The following PVT1 variants were observed in gnomAD, a reference collection of about 807,000 sequenced individuals.
The protein encoded by PVT1 is CXCR4/PVT1 fusion.
At chr8:127,915,850 C>T (rs981946709) in intron 3 of PVT1, among the ~76,000 whole-genome samples, 4 of 152,188 alleles carry the variant, frequency 2.6e-5, no homozygotes. Context: ...TGTTTTGTTT[C>T]GCTTTGCTTC....
intron 4 of PVT1, among the ~76,000 whole-genome samples, chr8:128,029,987 A>T (rs1333019961): frequency 1.3e-5 from 2 of 152,160 alleles, no homozygotes; most frequent in Admixed American, 1.3e-4. Context: ...GGTGGTGGGC[A>T]CCTGCAGTTT....
At chr8:128,089,083 A>T (rs1814314720) in intron 5 of PVT1, among the ~76,000 whole-genome samples, 1 of 152,194 alleles carries the variant, frequency 6.6e-6, no homozygotes, top group Non-Finnish European at 1.5e-5. Context: ...AGGGAAATTT[A>T]CCCATGGAAA....
At chr8:127,970,633 C>T (rs1471881708) in intron 3 of PVT1, among the ~76,000 whole-genome samples, 1 of 152,110 alleles carries the variant, frequency 6.6e-6, no homozygotes, top group Non-Finnish European at 1.5e-5. Context: ...ATCTCCAACC[C>T]TCTGTCACAG....
At chr8:127,839,994 C>T (rs1398170673) in intron 2 of PVT1, among the ~76,000 whole-genome samples, 1 of 152,194 alleles carries the variant, frequency 6.6e-6, no homozygotes, top group African/African-American at 2.4e-5. Flanking sequence ...TCTTGGAGCC[C>T]ACAGGCATCT....
At chr8:127,895,192 T>C (rs1815659976) in intron 3 of PVT1, among the ~76,000 whole-genome samples, 1 of 152,234 alleles carries the variant, frequency 6.6e-6, no homozygotes, top group Non-Finnish European at 1.5e-5. Context: ...AGATAAGGGC[T>C]GAGCACAGTG....
At chr8:127,820,983 A>G (rs1156824334) in intron 2 of PVT1, among the ~76,000 whole-genome samples, 1 of 152,188 alleles carries the variant, frequency 6.6e-6, no homozygotes, top group Non-Finnish European at 1.5e-5. Flanking sequence ...TGTTGGGATT[A>G]CAGACATGAG....
At chr8:128,051,510 T>C (rs943791698) in intron 4 of PVT1, among the ~76,000 whole-genome samples, 3 of 152,348 alleles carry the variant, frequency 2.0e-5, no homozygotes, top group African/African-American at 7.2e-5. Context: ...CTATGTATTT[T>C]TTTCTTTAAA....
intron 3 of PVT1, among the ~76,000 whole-genome samples, chr8:127,949,558 C>T (rs1019494176): frequency 5.9e-5 from 9 of 151,970 alleles, no homozygotes; most frequent in African/African-American, 2.2e-4. Flanking sequence ...CCCCCACCCC[C>T]CATCCCTGGT....
intron 4 of PVT1, among the ~76,000 whole-genome samples, chr8:128,041,300 T>A (rs978812210): frequency 1.1e-5 from 1 of 94,500 alleles, no homozygotes; most frequent in Non-Finnish European, 2.4e-5. Context: ...ATGTTTGTGT[T>A]GTGCTCATGT....
At chr8:127,935,422 G>A (rs1461275753) in intron 3 of PVT1, among the ~76,000 whole-genome samples, 1 of 152,080 alleles carries the variant, frequency 6.6e-6, no homozygotes, top group Non-Finnish European at 1.5e-5. Flanking sequence ...AGAGAGGCCA[G>A]GTCAGGGTGT....
chr8:127,994,568 C>T (rs1043407771), intron 4 of PVT1, among the ~76,000 whole-genome samples: 1 of 152,192 alleles, frequency 6.6e-6, no homozygotes, highest in African/African-American at 2.4e-5. Context: ...AAGATAGATG[C>T]GTATCCATGT....
At chr8:127,959,618 T>A (rs1816614887) in intron 3 of PVT1, among the ~76,000 whole-genome samples, 1 of 144,684 alleles carries the variant, frequency 6.9e-6, no homozygotes, top group African/African-American at 2.5e-5. Flanking sequence ...AAAGACCCAG[T>A]GCCTACCCTT....
At chr8:127,924,533 A>T (rs564360156) in intron 3 of PVT1, among the ~76,000 whole-genome samples, 2 of 127,666 alleles carry the variant, frequency 1.6e-5, no homozygotes, top group Non-Finnish European at 3.2e-5. Context: ...TTTTTTTGAG[A>T]CAGAGTCTCA....
chr8:127,977,530 C>T (rs1057148811), intron 3 of PVT1, among the ~76,000 whole-genome samples: 16 of 152,196 alleles, frequency 1.1e-4, no homozygotes, highest in East Asian at 7.7e-4. Flanking sequence ...ATCAGGAGTT[C>T]GAGACCAGCC....
intron 3 of PVT1, among the ~76,000 whole-genome samples, chr8:127,936,553 G>T (rs1816278256): frequency 6.6e-6 from 1 of 152,154 alleles, no homozygotes; most frequent in East Asian, 1.9e-4. Flanking sequence ...AATCTGGTTT[G>T]TGGTTGGATC....
At chr8:127,998,988 T>C (rs1229057129) in intron 4 of PVT1, 2 of 152,238 alleles carry the variant, frequency 1.3e-5, no homozygotes, top group Non-Finnish European at 2.9e-5. Context: ...CCTGTCATTT[T>C]ACTGGAGAAA....
intron 3 of PVT1, among the ~76,000 whole-genome samples, chr8:127,959,518 G>A (rs1398213602): frequency 6.8e-6 from 1 of 147,294 alleles, no homozygotes; most frequent in African/African-American, 2.5e-5. Context: ...CCGGGAGGCA[G>A]AGGTTGCAGT....
At chr8:127,965,550 G>T (rs1816694130) in intron 3 of PVT1, among the ~76,000 whole-genome samples, 1 of 151,996 alleles carries the variant, frequency 6.6e-6, no homozygotes, top group African/African-American at 2.4e-5. Flanking sequence ...ACACAGCTCT[G>T]TTCACCCCCC....
In PVT1 at chr8:128,097,378, C is replaced by T. The variant is rs1008241954; in HGVS notation, n.1251+724C>T. The stretch of plus-strand genomic sequence containing the variant: ...CTACTTCTCAAAACAAACAAACAAA[C>T]AAAAACTAAGCCTTTGGGCTAAATC... On this transcript the variant is annotated intron_variant and non_coding_transcript_variant, in intron 6 of 10. Transcript: ENST00000651587. 2.0e-5 allele frequency among the ~76,000 whole-genome samples: 3 copies of T among 152,092 alleles called. No individual in the cohort carries two copies. The East Asian group carries it at 5.8e-4, about 29-fold the overall frequency.
Sources: gnomAD v4.1 joint callset for allele counts (sites outside exome capture counted in the v4.1 genomes callset) on GRCh38, gnomAD v4.1.1 for gene constraint, MANE v1.5 for transcripts, NCBI Gene and HGNC (gene_info 2026-07-23, HGNC 2026-07-21) for gene names.